HOOK2: variants seen among roughly 807,000 people sequenced by gnomAD.
HOOK2 encodes the protein protein Hook homolog 2.
In HOOK2, 108 loss-of-function variants were observed where a neutral mutation model predicts 111.9. That is an observed-to-expected ratio of 0.96 (90% CI 0.83 to 1.13). The LOEUF is 1.13. HOOK2 is among the 50% of genes most tolerant of loss of function. HOOK2 has a pLI of 0.00. For missense variants in HOOK2, 978 were observed against 951.3 expected (o/e 1.03, Z -0.37); for synonymous variants, 405 against 394.3 (o/e 1.03, Z -0.32).
In HOOK2 at chr19:12,774,829, G is replaced by A; in HGVS notation, c.114C>T (p.Ala38=). Reference sequence around the variant, plus strand: ...CCACTCACATCTGGTTCAGCACATAGGCTACGGCAAGGCCGCTGCTCAGGT... The same window carrying A: ...CCACTCACATCTGGTTCAGCACATAAGCTACGGCAAGGCCGCTGCTCAGGT... ...PQDLSSGLAV[A]YVLNQIDPSW... Residue 38 remains alanine, a synonymous_variant, in exon 2 of 23, where the codon GCC becomes GCT. Coordinates refer to ENST00000397668, the MANE Select transcript of HOOK2 (RefSeq NM_013312.3). 1 of 1,614,156 alleles carries A rather than the reference G, an allele frequency of 6.2e-7. No homozygotes were observed. The highest frequency in any genetic ancestry group is 8.5e-7 in the Non-Finnish European group (1 of 1,180,014).
intron 10 of HOOK2, among the ~76,000 whole-genome samples, chr19:12,770,392 G>T (rs1335901198): frequency 6.6e-6 from 1 of 151,796 alleles, no homozygotes; most frequent in Non-Finnish European, 1.5e-5. Flanking sequence ...GGATACCTTG[G>T]AGTCATTGGG....
rs368235221 is a variant in HOOK2 at position 12,772,809 on chromosome 19, C to T, written c.359G>A (p.Gly120Asp). Residue 120 changes from glycine to aspartate, a missense_variant, in exon 5 of 23, where the codon GGC (glycine) becomes GAC (aspartate). By Grantham distance (94) the Gly-to-Asp change is moderately conservative. This residue lies in a region of HOOK2 where 301 missense variants were observed against 286.1 expected (regional missense o/e 1.05). Coordinates refer to ENST00000397668, the MANE Select transcript of HOOK2 (RefSeq NM_013312.3). ...CTTTTTCTCGCAACTGATGGCACAG[C>T]CCAGCACCAGCTGAAGCAGCTTGCC... ...ELGKLLQLVL[G>D]CAISCEKKQD... 7.4e-6 allele frequency: 12 copies of T among 1,614,096 alleles called. No individual in the cohort carries two copies. Among genetic ancestry groups the T allele is most frequent in the Non-Finnish European group, 1.0e-5 (12 of 1,180,048 alleles).
Position 12,765,084 on chromosome 19 carries a change from G to A in HOOK2, c.1641-3C>T. 1 of 1,614,100 alleles carries A rather than the reference G, an allele frequency of 6.2e-7. No homozygotes were observed. Among genetic ancestry groups the A allele is most frequent in the Non-Finnish European group, 8.5e-7 (1 of 1,180,002 alleles). ...GATCTGCCTCATGAAGCTTCTGCCT[G>A]TGGGCCGGGGATGAGCAGCAGTGGG... On this transcript the variant is annotated splice_region_variant and splice_polypyrimidine_tract_variant and intron_variant, in intron 18 of 22. Coordinates refer to ENST00000397668, the MANE Select transcript of HOOK2 (RefSeq NM_013312.3).
At chr19:12,784,769 C>A (rs1315438028) in intron 3 of HOOK2, 1 of 152,266 alleles carries the variant, frequency 6.6e-6, no homozygotes, top group Non-Finnish European at 1.5e-5. Context: ...GATCCTGACA[C>A]GCAAGAGAAG....
chr19:12,783,046 C>T (rs1968622649), upstream of HOOK2, among the ~76,000 whole-genome samples: 1 of 152,084 alleles, frequency 6.6e-6, no homozygotes, highest in African/African-American at 2.4e-5. Context: ...TCAGCGTCGC[C>T]CGGGCGTGCG....
chr19:12,768,194 C>A, intron 11 of HOOK2, 71 bp from the exon 12 acceptor site: 2 of 1,226,844 alleles, frequency 1.6e-6, no homozygotes, highest in South Asian at 1.3e-5. Flanking sequence ...TACAAATGGT[C>A]CCCGATCCAG....
intron 10 of HOOK2, among the ~76,000 whole-genome samples, chr19:12,770,708 G>A (rs73925209): frequency 6.9e-6 from 1 of 143,942 alleles, no homozygotes; most frequent in Non-Finnish European, 1.5e-5. Context: ...GTGGGATAAG[G>A]GGGGGGCAGT....
At chr19:12,792,048 C>T (rs781514054) in intron 3 of HOOK2, 1 of 1,610,776 alleles carries the variant, frequency 6.2e-7, no homozygotes, top group South Asian at 1.1e-5. Flanking sequence ...CCTGATTGTC[C>T]CCAACAGCAA....
chr19:12,763,988 A>G (rs905579655), intron 20 of HOOK2, among the ~76,000 whole-genome samples: 1 of 152,042 alleles, frequency 6.6e-6, no homozygotes, highest in African/African-American at 2.4e-5. Flanking sequence ...CATTGTGCCC[A>G]TCCAGCCAGT....
rs1162666346 is a variant in HOOK2, at chr19:12,766,083, G to A, written c.1511+20C>T. ...CCCCCTCTGTCCCTGCTCCGCGCAG[G>A]TAGGTCCCCAGGCGCTCACCGGTGC... On this transcript the variant is annotated intron_variant, in intron 15 of 22. Coordinates refer to ENST00000397668, the MANE Select transcript of HOOK2 (RefSeq NM_013312.3). 3.7e-6 allele frequency: 6 copies of A among 1,602,812 alleles called. No homozygotes were observed. Among genetic ancestry groups the A allele is most frequent in the Admixed American group, 1.7e-5 (1 of 59,780 alleles).
At chr19:12,770,578 CCA>C (rs1438915294) in intron 10 of HOOK2, among the ~76,000 whole-genome samples, 2 of 151,480 alleles carry the variant, frequency 1.3e-5, no homozygotes, top group Admixed American at 1.3e-4. Context: ...CTAGAAGGTA[CCA>C]TGGGATCCAG....
chr19:12,772,342 C>T, intron 6 of HOOK2, 90 bp from the exon 7 acceptor site: 2 of 1,428,142 alleles, frequency 1.4e-6, no homozygotes, highest in South Asian at 1.1e-5. Context: ...CCTCTCCATC[C>T]TCCCGTCAAG....
intron 7 of HOOK2, 82 bp from the exon 8 acceptor site, chr19:12,771,559 T>C (rs1362554695): frequency 2.6e-6 from 3 of 1,166,142 alleles, no homozygotes; most frequent in Non-Finnish European, 1.3e-6. Flanking sequence ...AGAGGCCAAA[T>C]GGAGGGGGCC....
Position 12,766,011 on chromosome 19 carries a change from C to T in HOOK2, c.1515G>A (p.Leu505=). The T allele has an allele frequency of 3.1e-6, 5 of 1,613,450 alleles. No individual in the cohort carries two copies. Among genetic ancestry groups the T allele is most frequent in the Non-Finnish European group, 4.2e-6 (5 of 1,179,962 alleles). ...ARHGLETQHR[L]NQQQLSELRA... Reference sequence around the variant, plus strand: ...GCAGCTCGGATAGCTGCTGCTGGTTCAGCCTGCGAGGGTGGGGGGCCGCTT... The same window carrying T: ...GCAGCTCGGATAGCTGCTGCTGGTTTAGCCTGCGAGGGTGGGGGGCCGCTT... The change falls in exon 16 of 23, where the codon CTG becomes CTA. Residue 505 remains leucine, a synonymous_variant. Transcript: ENST00000397668.
At chr19:12,765,209 C>T in intron 18 of HOOK2, 128 bp from the exon 19 acceptor site, 1 of 865,140 alleles carries the variant, frequency 1.2e-6, no homozygotes, top group South Asian at 1.5e-5. Flanking sequence ...TCTCTGCCTG[C>T]CCCTCATGCC....
At position 12,765,393 on chromosome 19, in the gene HOOK2, T is replaced by G. The variant is rs551572757; in HGVS notation, c.1640+297A>C. 1.3e-3 allele frequency: 754 copies of G among 585,034 alleles called. 5 individuals carry two copies. The highest frequency in any genetic ancestry group is 3.3e-3 in the South Asian group (160 of 48,924). 36.2% of individuals were successfully genotyped at this position (585,034 alleles called of 1,614,324 possible). On this transcript the variant is annotated intron_variant, in intron 18 of 22. Coordinates refer to ENST00000397668, the MANE Select transcript of HOOK2 (RefSeq NM_013312.3). ...GCTAGCTTCTTCTACTCTCAAGCAC[T>G]CCATCCAGCAGCCAGGGATCTTTCT...
chr19:12,785,362 TCA>T (rs974950984), intron 3 of HOOK2, among the ~76,000 whole-genome samples: 1 of 148,592 alleles, frequency 6.7e-6, no homozygotes, highest in South Asian at 2.1e-4. Context: ...GACCTCTTTT[TCA>T]CACACACACA....
At chr19:12,764,629 G>C (rs1968095628) in intron 20 of HOOK2, 185 bp downstream of exon 20, 1 of 627,642 alleles carries the variant, frequency 1.6e-6, no homozygotes, top group African/African-American at 1.8e-5. Context: ...CACCCAGCCA[G>C]CTGTGCAGTA....
Position 12,775,181 on chromosome 19 carries a change from G to GC in HOOK2, c.45+223dup, listed in dbSNP as rs1266519025. On this transcript the variant is annotated intron_variant, in intron 1 of 22. Transcript: ENST00000397668. ...ACCAGGCCAATTCACCTGTGTCCTC[G>GC]CCCCACGTGAACCAACCACAGAGGG... is the stretch of plus-strand genomic sequence containing the variant. The GC allele has an allele frequency of 4.1e-6, 4 of 984,898 alleles. No individual in the cohort carries two copies. In the East Asian group the frequency reaches 3.4e-4, roughly 84 times the overall value. The allele number at this position is 984,898 out of a possible 1,614,324, so 61.0% of individuals were successfully genotyped here. A position where few individuals can be genotyped will look rare whatever the true frequency, so the allele number is the denominator to read the frequency against.
Sources: allele counts gnomAD v4.1 joint callset (sites outside exome capture counted in the v4.1 genomes callset), GRCh38; gene constraint gnomAD v4.1.1; regional missense constraint gnomAD v4.1.1; transcripts MANE v1.5; gene names NCBI Gene and HGNC (gene_info 2026-07-23, HGNC 2026-07-21).